SCAPER: variants seen among roughly 807,000 people sequenced by gnomAD.
SCAPER encodes S-phase cyclin A associated protein in the ER.
Under a neutral mutation model 182.2 loss-of-function variants are expected in SCAPER, and 98 were observed. The observed-to-expected ratio is 0.54, with a 90% CI of 0.46 to 0.64. The LOEUF is 0.64. SCAPER is among the 30% of genes least tolerant of loss of function. The probability of loss-of-function intolerance (pLI) is 0.00; values close to 1 mark genes in which losing one functional copy is unlikely to be tolerated. For synonymous variants in SCAPER, 605 were observed against 564.6 expected (o/e 1.07, Z -1.01); for missense variants, 1,432 against 1,690.0 (o/e 0.85, Z 2.68).
At chr15:76,559,392 C>T (rs28872583) in intron 23 of SCAPER, among the ~76,000 whole-genome samples, 7,453 of 151,924 alleles carry the variant, frequency 0.049, 549 homozygotes, top group African/African-American at 0.16. Flanking sequence ...CTTTCCCCTT[C>T]GCTCAGCACT....
At chr15:76,818,428 A>G (rs1232857048) in intron 5 of SCAPER, among the ~76,000 whole-genome samples, 1 of 152,240 alleles carries the variant, frequency 6.6e-6, no homozygotes, top group Non-Finnish European at 1.5e-5. Context: ...GGCACAGTCC[A>G]TGAATGAAAA....
At chr15:76,757,448 TTA>T (rs34697300) in intron 14 of SCAPER, among the ~76,000 whole-genome samples, 9 of 140,296 alleles carry the variant, frequency 6.4e-5, no homozygotes, top group African/African-American at 1.6e-4. Context: ...ATATTCTGTT[TTA>T]TATATACACA....
At chr15:76,652,307 T>TATATATATAC (rs2055169477) in intron 21 of SCAPER, among the ~76,000 whole-genome samples, 1 of 19,460 alleles carries the variant, frequency 5.1e-5, no homozygotes, top group African/African-American at 2.6e-4. Context: ...TATATATATA[T>TATATATATAC]ATACACACAC....
At chr15:76,538,565 G>T (rs1276767937) in intron 23 of SCAPER, among the ~76,000 whole-genome samples, 1 of 152,110 alleles carries the variant, frequency 6.6e-6, no homozygotes, top group African/African-American at 2.4e-5. Context: ...GTGGACTGTT[G>T]TGGGGTCGGG....
chr15:76,453,665 T>G (rs1252519357), intron 25 of SCAPER, among the ~76,000 whole-genome samples: 1 of 152,174 alleles, frequency 6.6e-6, no homozygotes, highest in Non-Finnish European at 1.5e-5. Context: ...TGTGCCAGGT[T>G]TTTTCACTAG....
chr15:76,767,514 A>T (rs1258090216), intron 10 of SCAPER, among the ~76,000 whole-genome samples: 1 of 152,150 alleles, frequency 6.6e-6, no homozygotes, highest in African/African-American at 2.4e-5. Flanking sequence ...ATGCTTTCTG[A>T]ACATACATAC....
At chr15:76,551,589 G>A (rs1036888210) in intron 23 of SCAPER, among the ~76,000 whole-genome samples, 1 of 152,082 alleles carries the variant, frequency 6.6e-6, no homozygotes, top group African/African-American at 2.4e-5. Flanking sequence ...ATTGGTCAAT[G>A]GTTACAAAAT....
intron 4 of SCAPER, among the ~76,000 whole-genome samples, chr15:76,855,383 G>A (rs2071232868): frequency 7.1e-6 from 1 of 140,396 alleles, no homozygotes; most frequent in Non-Finnish European, 1.5e-5. Flanking sequence ...TCTTGACAAA[G>A]ACACCAAAAG....
At chr15:76,758,945 C>T (rs1049168213) in intron 14 of SCAPER, among the ~76,000 whole-genome samples, 4 of 128,990 alleles carry the variant, frequency 3.1e-5, no homozygotes, top group Admixed American at 8.5e-5. Context: ...TATCTCTAAA[C>T]GTTACTGAAT....
chr15:76,679,279 G>C (rs1161306442), intron 20 of SCAPER, among the ~76,000 whole-genome samples: 1 of 152,114 alleles, frequency 6.6e-6, no homozygotes, highest in Non-Finnish European at 1.5e-5. Context: ...TGGCCTAATA[G>C]AGATTACACA....
At chr15:76,614,559 G>A (rs978879136) in intron 22 of SCAPER, among the ~76,000 whole-genome samples, 4 of 151,908 alleles carry the variant, frequency 2.6e-5, no homozygotes, top group East Asian at 1.9e-4. Flanking sequence ...GAAAAATAAC[G>A]CATTTTTACA....
At chr15:76,793,182 C>T in intron 8 of SCAPER, 1 of 1,065,538 alleles carries the variant, frequency 9.4e-7, no homozygotes, top group East Asian at 2.8e-5. Context: ...ACAAAAATTA[C>T]AAACTTCAGT....
At chr15:76,524,831 CAGGG>C (rs2043084840) in intron 23 of SCAPER, among the ~76,000 whole-genome samples, 4 of 150,158 alleles carry the variant, frequency 2.7e-5, no homozygotes, top group Middle Eastern at 3.7e-3. Context: ...GGTTTACATA[CAGGG>C]AAGATCTAAG....
At chr15:76,348,870 A>G (rs1596248119) in intron 31 of SCAPER, 134 bp from the exon 32 acceptor site, 1 of 583,396 alleles carries the variant, frequency 1.7e-6, no homozygotes, top group Non-Finnish European at 3.1e-6. Flanking sequence ...GACACAATTT[A>G]GGTAAATAAG....
rs906235301 is a variant in SCAPER at position 76,723,091 on chromosome 15, C to T, written c.2165+5504G>A. Among the ~76,000 whole-genome samples the T allele has an allele frequency of 2.0e-5, 3 of 152,164 alleles. No individual in the cohort carries two copies. In the East Asian group the frequency reaches 5.8e-4, roughly 29 times the overall value. ...AGGGCTATAAATTTCCCTCTACACACTGCTTTGAATGTGTCCCAGAGATTT... is the reference window on the plus strand; with the variant it reads ...AGGGCTATAAATTTCCCTCTACACATTGCTTTGAATGTGTCCCAGAGATTT... On this transcript the variant is annotated intron_variant, in intron 17 of 31. Coordinates refer to ENST00000563290, the MANE Select transcript of SCAPER (RefSeq NM_020843.4).
chr15:76,528,034 AG>A (rs2043338548), intron 23 of SCAPER, among the ~76,000 whole-genome samples: 1 of 152,170 alleles, frequency 6.6e-6, no homozygotes, highest in Non-Finnish European at 1.5e-5. Flanking sequence ...CCTTTAAATC[AG>A]GGGTCAACAA....
At chr15:76,777,968 C>T (rs762034937) in intron 8 of SCAPER, among the ~76,000 whole-genome samples, 1 of 152,116 alleles carries the variant, frequency 6.6e-6, no homozygotes, top group African/African-American at 2.4e-5. Context: ...AATACAAAGC[C>T]TATTTTATAA....
At chr15:76,859,936 G>A (rs1178658289) in intron 3 of SCAPER, among the ~76,000 whole-genome samples, 2 of 151,976 alleles carry the variant, frequency 1.3e-5, no homozygotes, top group South Asian at 2.1e-4. Context: ...GGCTGGTCTC[G>A]AACTCCTGAG....
At chr15:76,608,439 C>T (rs979775894) in intron 22 of SCAPER, among the ~76,000 whole-genome samples, 2 of 152,204 alleles carry the variant, frequency 1.3e-5, no homozygotes, top group African/African-American at 4.8e-5. Flanking sequence ...TGGGGGATGC[C>T]TCCCAGTTAG....
Sources: gnomAD v4.1 joint callset for allele counts (sites outside exome capture counted in the v4.1 genomes callset) on GRCh38, gnomAD v4.1.1 for gene constraint, MANE v1.5 for transcripts, NCBI Gene and HGNC (gene_info 2026-07-23, HGNC 2026-07-21) for gene names.